Variants in SEH1L observed in about 807,000 individuals in gnomAD.
SEH1L encodes nucleoporin SEH1.
SEH1L carries 18 observed loss-of-function variants against 49.5 expected under a neutral mutation model. That is an observed-to-expected ratio of 0.36 (90% CI 0.25 to 0.54). The LOEUF (loss-of-function observed/expected upper bound fraction) is 0.54. Among genes scored for constraint, SEH1L ranks in the 20% least tolerant of loss-of-function variants. The probability of loss-of-function intolerance (pLI) is 0.87; values close to 1 mark genes in which losing one functional copy is unlikely to be tolerated. For missense variants in SEH1L, 404 were observed against 528.8 expected, an observed-to-expected ratio of 0.76 and a Z score of 2.31; for synonymous variants, 169 against 178.1, an observed-to-expected ratio of 0.95 and a Z score of 0.41.
chr18:12,987,113 C>A lies in SEH1L; in HGVS notation c.*56C>A. On this transcript the variant is annotated 3_prime_UTR_variant, in exon 9 of 9. Transcript: ENST00000399892. ...CAAGTGCTTGTAAATGCTTTCATTT[C>A]TGGCTGCTTTTTGTTTTTCATTTTC... is the stretch of plus-strand genomic sequence containing the variant. 1 of 1,275,862 alleles carries A rather than the reference C, an allele frequency of 7.8e-7. No individual in the cohort carries two copies. Among genetic ancestry groups the A allele is most frequent in the African/African-American group, 1.5e-5 (1 of 65,776 alleles). 79.0% of individuals were successfully genotyped at this position (1,275,862 alleles called of 1,614,324 possible).
At chr18:12,969,766 C>T (rs2031616241) in intron 4 of SEH1L, among the ~76,000 whole-genome samples, 1 of 151,264 alleles carries the variant, frequency 6.6e-6, no homozygotes, top group Non-Finnish European at 1.5e-5. Flanking sequence ...GTGGTTCACG[C>T]CTGTAATCCC....
Position 12,987,175 on chromosome 18 carries a change from A to G in SEH1L, c.*118A>G, listed in dbSNP as rs935161405. On this transcript the variant is annotated 3_prime_UTR_variant, in exon 9 of 9. Coordinates refer to ENST00000399892, the MANE Select transcript of SEH1L (RefSeq NM_001013437.2). ...TTTTCTAACTTAGGGTCTGTCTTGCATGTATTACAACCAGAATACAGTGTT... is the reference window on the plus strand; with the variant it reads ...TTTTCTAACTTAGGGTCTGTCTTGCGTGTATTACAACCAGAATACAGTGTT... 1.5e-6 allele frequency: 1 copy of G among 684,776 alleles called. No individual in the cohort carries two copies. Among genetic ancestry groups the G allele is most frequent in the Non-Finnish European group, 2.4e-6 (1 of 423,010 alleles). The allele number at this position is 684,776 out of a possible 1,614,324, so 42.4% of individuals were successfully genotyped here.
chr18:12,985,331 C>G, intron 8 of SEH1L: 1 of 1,562,646 alleles, frequency 6.4e-7, no homozygotes, highest in Non-Finnish European at 8.7e-7. Context: ...CTCCTTTTCC[C>G]CTTCCCCAGC....
At chr18:12,955,759 C>T (rs567429762) in intron 3 of SEH1L, 150 bp downstream of exon 3, 1 of 781,548 alleles carries the variant, frequency 1.3e-6, no homozygotes, top group African/African-American at 1.8e-5. Flanking sequence ...TTTTTTTCTT[C>T]CTTTTTTATT....
Position 12,948,052 on chromosome 18 carries a change from C to T in SEH1L, c.-70C>T. ...TCCCGGGCTGCGAGGTCTGGCTAGG[C>T]TACGGGCCACGCGCCGCCGCCGCTG... On this transcript the variant is annotated 5_prime_UTR_variant, in exon 1 of 9. Coordinates refer to ENST00000399892, the MANE Select transcript of SEH1L (RefSeq NM_001013437.2). 1.7e-6 allele frequency: 2 copies of T among 1,206,634 alleles called. No individual in the cohort carries two copies. Among genetic ancestry groups the T allele is most frequent in the Non-Finnish European group, 2.4e-6 (2 of 837,260 alleles). The allele number at this position is 1,206,634 out of a possible 1,614,324, so 74.7% of individuals were successfully genotyped here.
intron 4 of SEH1L, among the ~76,000 whole-genome samples, chr18:12,967,256 C>G (rs2031491715): frequency 6.6e-6 from 1 of 152,280 alleles, no homozygotes; most frequent in East Asian, 1.9e-4. Flanking sequence ...TTTTGTGTGT[C>G]TTTCTTTTTA....
At chr18:12,950,313 G>C (rs2030441045) in intron 1 of SEH1L, among the ~76,000 whole-genome samples, 2 of 152,162 alleles carry the variant, frequency 1.3e-5, no homozygotes, top group South Asian at 4.1e-4. Flanking sequence ...TGGGATTACA[G>C]GTGTGAGTCA....
chr18:12,953,115 G>C (rs2030647802), intron 2 of SEH1L, among the ~76,000 whole-genome samples: 1 of 152,152 alleles, frequency 6.6e-6, no homozygotes, highest in Admixed American at 6.5e-5. Context: ...CATAGAAATG[G>C]AATTTTGAAA....
rs542783371 is a variant in SEH1L at position 12,964,823 on chromosome 18, G to C, written c.521+1452G>C. 7.3e-5 allele frequency among the ~76,000 whole-genome samples: 11 copies of C among 151,260 alleles called. No homozygotes were observed. The South Asian group carries it at 2.3e-3, about 32-fold the overall frequency. On this transcript the variant is annotated intron_variant, in intron 4 of 8. Transcript: ENST00000399892. ...GCTAGTTTTTTTTGTATTTTTAGTA[G>C]AGACGGGGTTTGTCCATGTTAGCCA...
intron 6 of SEH1L, among the ~76,000 whole-genome samples, chr18:12,981,304 CG>C (rs1323177303): frequency 1.3e-5 from 2 of 152,148 alleles, no homozygotes; most frequent in Non-Finnish European, 2.9e-5. Flanking sequence ...GACGGGGTGG[CG>C]GCCGGGCAGA....
intron 8 of SEH1L, 133 bp from the exon 9 acceptor site, chr18:12,986,729 T>C (rs79959182): frequency 1.1e-6 from 1 of 917,786 alleles, no homozygotes; most frequent in Non-Finnish European, 1.3e-6. Flanking sequence ...TACTAAAGCT[T>C]TTTTTTTTTT....
At chr18:12,970,483 C>T (rs529312912) in intron 4 of SEH1L, among the ~76,000 whole-genome samples, 6 of 152,294 alleles carry the variant, frequency 3.9e-5, no homozygotes, top group Admixed American at 6.5e-5. Context: ...TGCAGTGGCA[C>T]GATCATAGCT....
intron 8 of SEH1L, chr18:12,985,923 A>G (rs922983914): frequency 3.2e-6 from 3 of 939,792 alleles, no homozygotes; most frequent in Non-Finnish European, 3.8e-6. Context: ...ACAATTTGGG[A>G]CTAAGATGGA....
intron 3 of SEH1L, among the ~76,000 whole-genome samples, chr18:12,962,767 C>G (rs1444450801): frequency 1.3e-5 from 2 of 152,000 alleles, no homozygotes; most frequent in Non-Finnish European, 2.9e-5. Flanking sequence ...GCCATCACGC[C>G]CAACTCATTT....
rs537019530 is a variant in SEH1L at position 12,959,539 on chromosome 18, C to T, written c.310-3621C>T. 8.3e-4 allele frequency among the ~76,000 whole-genome samples: 127 copies of T among 152,264 alleles called. 2 individuals carry two copies. Among genetic ancestry groups the T allele is most frequent in the Non-Finnish European group, 1.9e-4 (13 of 68,012 alleles). On this transcript the variant is annotated intron_variant, in intron 3 of 8. Coordinates refer to ENST00000399892, the MANE Select transcript of SEH1L (RefSeq NM_001013437.2). ...TTCGGTATGCTTCAATAAGCATTTT[C>T]TTTGAGCATCATGCCAGTGCTCAAA...
rs57733399 is a variant in SEH1L, at chr18:12,958,064, C to CTTT, written c.309+2490_309+2492dup. ...TATAACATAATATTCCTCATTTTAA[C>CTTT]TTTTTTTTTTTTTTTTTTTTTTTTT... is the stretch of plus-strand genomic sequence containing the variant. On this transcript the variant is annotated intron_variant, in intron 3 of 8. Coordinates refer to ENST00000399892, the MANE Select transcript of SEH1L (RefSeq NM_001013437.2). 1.3e-3 allele frequency among the ~76,000 whole-genome samples: 79 copies of CTTT among 62,044 alleles called. 13 individuals carry two copies. The highest frequency in any genetic ancestry group is 1.5e-3 in the Non-Finnish European group (52 of 35,690). The allele number at this position is 62,044 out of a possible 152,430, so 40.7% of individuals were successfully genotyped here. A position where few individuals can be genotyped will look rare whatever the true frequency, so the allele number is the denominator to read the frequency against.
intron 5 of SEH1L, chr18:12,975,670 T>C (rs954094208): frequency 3.1e-6 from 3 of 983,154 alleles, no homozygotes; most frequent in Non-Finnish European, 3.6e-6. Context: ...CTGATCTCTA[T>C]CCTGGCAGCA....
intron 4 of SEH1L, among the ~76,000 whole-genome samples, chr18:12,964,884 C>T (rs1039146047): frequency 2.0e-5 from 3 of 151,674 alleles, no homozygotes; most frequent in African/African-American, 7.3e-5. Flanking sequence ...GGTGATCTGC[C>T]CGCCTTGGCC....
intron 1 of SEH1L, among the ~76,000 whole-genome samples, chr18:12,951,188 G>T (rs1017567875): frequency 2.0e-5 from 3 of 152,186 alleles, no homozygotes; most frequent in African/African-American, 7.2e-5. Flanking sequence ...GAAACCAGGC[G>T]ATACTCTATT....
Sources: allele counts gnomAD v4.1 joint callset (sites outside exome capture counted in the v4.1 genomes callset), GRCh38; gene constraint gnomAD v4.1.1; transcripts MANE v1.5; gene names NCBI Gene and HGNC (gene_info 2026-07-23, HGNC 2026-07-21).